GABRB2: variants seen among roughly 807,000 people sequenced by gnomAD.
GABRB2 encodes gamma-aminobutyric acid type A receptor subunit beta2.
A neutral mutation model predicts 54.7 loss-of-function variants in GABRB2; 16 were observed. The observed-to-expected ratio is 0.29, with a 90% confidence interval of 0.20 to 0.44. GABRB2 has a LOEUF of 0.44. Among genes scored for constraint, GABRB2 ranks in the 20% least tolerant of loss-of-function variants. The pLI, the probability that GABRB2 is intolerant of heterozygous loss-of-function variation, is 1.00. For synonymous variants in GABRB2, 244 were observed against 233.8 expected, an observed-to-expected ratio of 1.04 and a Z score of -0.40; for missense variants, 355 against 644.0, an observed-to-expected ratio of 0.55 and a Z score of 4.86.
intron 4 of GABRB2, among the ~76,000 whole-genome samples, chr5:161,449,983 G>A (rs1243813008): frequency 1.3e-5 from 2 of 152,058 alleles, no homozygotes; most frequent in African/African-American, 4.8e-5. Context: ...GCTATATATA[G>A]ATATTTTCAA....
chr5:161,457,734 C>T (rs1384539327), intron 4 of GABRB2, among the ~76,000 whole-genome samples: 1 of 152,126 alleles, frequency 6.6e-6, no homozygotes, highest in Non-Finnish European at 1.5e-5. Context: ...GTGTGAGCCA[C>T]TGCGCTCAGC....
chr5:161,324,104 C>T lies in GABRB2; in HGVS notation c.1191+2264G>A, dbSNP rs184699167. ...GAATTATGGCATGCACATTCAATTA[C>T]ATATCTTATAGCTATTAGAAATGGT... On this transcript the variant is annotated intron_variant, in intron 9 of 9. Transcript: ENST00000393959. 1.4e-3 allele frequency among the ~76,000 whole-genome samples: 216 copies of T among 149,856 alleles called. 1 individual carries two copies. The highest frequency in any genetic ancestry group is 5.2e-3 in the African/African-American group (204 of 39,446).
rs1170025721 is a variant in GABRB2, at chr5:161,381,421, C to A, written c.541+29554G>T. Among the ~76,000 whole-genome samples the A allele has an allele frequency of 2.0e-5, 3 of 152,224 alleles. No individual in the cohort carries two copies. In the East Asian group the frequency reaches 5.8e-4, roughly 29 times the overall value. On this transcript the variant is annotated intron_variant, in intron 5 of 9. Transcript: ENST00000393959. The stretch of plus-strand genomic sequence containing the variant: ...GAAAAGTATATGAAGTCAACTTGTG[C>A]CCTCCTTGGCACATAAGGCAAGAGA...
chr5:161,497,844 G>C (rs1759304170), intron 3 of GABRB2, among the ~76,000 whole-genome samples: 1 of 152,064 alleles, frequency 6.6e-6, no homozygotes, highest in African/African-American at 2.4e-5. Flanking sequence ...CTCAAACCCA[G>C]CTGGACTAAA....
chr5:161,505,394 G>C (rs1306599108), intron 3 of GABRB2, among the ~76,000 whole-genome samples: 1 of 152,058 alleles, frequency 6.6e-6, no homozygotes, highest in African/African-American at 2.4e-5. Context: ...GCCTCCCAAA[G>C]GGCTGGGATT....
chr5:161,392,352 G>T (rs1473557651), intron 5 of GABRB2, among the ~76,000 whole-genome samples: 2 of 152,114 alleles, frequency 1.3e-5, no homozygotes, highest in Non-Finnish European at 2.9e-5. Flanking sequence ...AAGTAAACAA[G>T]AATAATAATA....
chr5:161,515,592 A>C (rs1158191312), intron 3 of GABRB2, among the ~76,000 whole-genome samples: 1 of 152,150 alleles, frequency 6.6e-6, no homozygotes, highest in Admixed American at 6.6e-5. Flanking sequence ...ACGTCACTGA[A>C]TTTTAATTAC....
At chr5:161,462,204 C>T (rs1369427301) in intron 3 of GABRB2, among the ~76,000 whole-genome samples, 1 of 152,114 alleles carries the variant, frequency 6.6e-6, no homozygotes, top group Non-Finnish European at 1.5e-5. Flanking sequence ...TTCGCTTTAG[C>T]GGATTACTCT....
chr5:161,316,529 TC>T (rs774324412), intron 9 of GABRB2, among the ~76,000 whole-genome samples: 11 of 152,170 alleles, frequency 7.2e-5, no homozygotes, highest in Non-Finnish European at 1.5e-4. Flanking sequence ...CTTTCCTTCC[TC>T]CTTTACTTCT....
chr5:161,396,892 A>C (rs2113063209), intron 5 of GABRB2, among the ~76,000 whole-genome samples: 1 of 152,268 alleles, frequency 6.6e-6, no homozygotes, highest in South Asian at 2.1e-4. Flanking sequence ...AAATTCTTTA[A>C]GCCCCAGTCT....
chr5:161,296,239 C>T (rs141877592), intron 9 of GABRB2, among the ~76,000 whole-genome samples: 258 of 152,300 alleles, frequency 1.7e-3, no homozygotes, highest in Non-Finnish European at 3.1e-3. Context: ...GACACCTATC[C>T]TTTACTGTTA....
At chr5:161,323,626 T>G (rs1350076626) in intron 9 of GABRB2, among the ~76,000 whole-genome samples, 1 of 152,232 alleles carries the variant, frequency 6.6e-6, no homozygotes, top group Non-Finnish European at 1.5e-5. Flanking sequence ...ATTGACATTT[T>G]ATTATTGATG....
At chr5:161,516,059 C>T (rs1759937313) in intron 3 of GABRB2, among the ~76,000 whole-genome samples, 1 of 151,568 alleles carries the variant, frequency 6.6e-6, no homozygotes, top group Non-Finnish European at 1.5e-5. Context: ...GCCTTGGAGT[C>T]TTCACTCTGA....
intron 4 of GABRB2, among the ~76,000 whole-genome samples, chr5:161,456,698 A>C (rs1201961094): frequency 1.3e-5 from 2 of 152,196 alleles, no homozygotes; most frequent in African/African-American, 4.8e-5. Context: ...AAGATAATAT[A>C]TGTAAAGTTC....
At chr5:161,505,885 G>A (rs549623013) in intron 3 of GABRB2, among the ~76,000 whole-genome samples, 26 of 152,202 alleles carry the variant, frequency 1.7e-4, no homozygotes, top group Admixed American at 1.5e-3. Context: ...TAGAAATCAA[G>A]CTAGCATGCC....
intron 5 of GABRB2, among the ~76,000 whole-genome samples, chr5:161,361,272 A>G (rs1417839438): frequency 6.6e-6 from 1 of 152,032 alleles, no homozygotes; most frequent in Non-Finnish European, 1.5e-5. Context: ...GATGTTAAGA[A>G]ATTATTTTAT....
At chr5:161,435,418 T>G (rs1199608939) in intron 4 of GABRB2, among the ~76,000 whole-genome samples, 1 of 151,962 alleles carries the variant, frequency 6.6e-6, no homozygotes, top group African/African-American at 2.4e-5. Context: ...TCTGTGAAAA[T>G]AAAAAAACAT....
intron 4 of GABRB2, among the ~76,000 whole-genome samples, chr5:161,414,712 C>T (rs1450173907): frequency 6.6e-6 from 1 of 151,316 alleles, no homozygotes; most frequent in African/African-American, 2.4e-5. Flanking sequence ...GCACATGCTA[C>T]CAACCCCAAA....
chr5:161,355,600 C>A (rs563801156), intron 5 of GABRB2, among the ~76,000 whole-genome samples: 1 of 151,928 alleles, frequency 6.6e-6, no homozygotes, highest in East Asian at 1.9e-4. Flanking sequence ...TACTGATTAA[C>A]ATTTACACAA....
Sources: allele counts gnomAD v4.1 joint callset (sites outside exome capture counted in the v4.1 genomes callset), GRCh38; gene constraint gnomAD v4.1.1; transcripts MANE v1.5; gene names NCBI Gene and HGNC (gene_info 2026-07-23, HGNC 2026-07-21).